The following QRICH2 variants were observed in gnomAD, a reference collection of about 807,000 sequenced individuals.
QRICH2 encodes glutamine rich 2.
A neutral mutation model predicts 168.3 loss-of-function variants in QRICH2; 119 were observed. The observed-to-expected ratio is 0.71, with a 90% CI of 0.61 to 0.82. The LOEUF (loss-of-function observed/expected upper bound fraction) is 0.82, where lower values mean the gene tolerates loss of function less well. Among genes scored for constraint, QRICH2 ranks in the 40% least tolerant of loss-of-function variants. The pLI, the probability that QRICH2 is intolerant of heterozygous loss-of-function variation, is 0.00. For synonymous variants in QRICH2, 894 were observed against 951.2 expected (o/e 0.94, Z 1.11); for missense variants, 2,241 against 2,491.6 (o/e 0.90, Z 2.14).
rs199991089 is a variant in QRICH2 at position 76,291,066 on chromosome 17, G to C, written c.3661C>G (p.Gln1221Glu). Residue 1221 changes from glutamine (Q) to glutamate (E), a missense_variant, in exon 4 of 19, where the codon CAG (glutamine) becomes GAG (glutamate). Physicochemically the swap from Gln to Glu is conservative, Grantham distance 29. Coordinates refer to ENST00000680821, the MANE Select transcript of QRICH2 (RefSeq NM_001388453.1). ...TTCTCCAAGTCGGTTTGGCCGGCCTGCTCCTCATCCAGATCCTTCATACTC... is the reference window on the plus strand; with the variant it reads ...TTCTCCAAGTCGGTTTGGCCGGCCTCCTCCTCATCCAGATCCTTCATACTC... The part of the protein sequence containing the change: ...KESMKDLDEE[Q>E]AGQTDLEKIQ... The C allele has an allele frequency of 1.1e-4, 184 of 1,614,100 alleles. No homozygotes were observed. The highest frequency in any genetic ancestry group is 1.5e-4 in the Non-Finnish European group (179 of 1,179,974).
In QRICH2 at chr17:76,276,713, C is replaced by G; in HGVS notation, c.5320G>C (p.Asp1774His). The change falls in exon 17 of 19, where the codon GAC (aspartate) becomes CAC (histidine). Residue 1774 changes from aspartate (D) to histidine (H), a missense_variant. Coordinates refer to ENST00000680821, the MANE Select transcript of QRICH2 (RefSeq NM_001388453.1). ...CGGAGGATGCCTGGCAGCCTTGTGTCCATCCGTCCCTTGTAAATGTGGCCA... is the reference window on the plus strand; with the variant it reads ...CGGAGGATGCCTGGCAGCCTTGTGTGCATCCGTCCCTTGTAAATGTGGCCA... ...LDGHIYKGRMDTRLPGILRKD... is the reference protein window; with the variant it reads ...LDGHIYKGRMHTRLPGILRKD... 1.9e-6 allele frequency: 3 copies of G among 1,613,904 alleles called. No homozygotes were observed. Among genetic ancestry groups the G allele is most frequent in the Non-Finnish European group, 2.5e-6 (3 of 1,179,990 alleles).
At chr17:76,297,219 A>C (rs1568123219) in intron 3 of QRICH2, among the ~76,000 whole-genome samples, 1 of 152,236 alleles carries the variant, frequency 6.6e-6, no homozygotes, top group Non-Finnish European at 1.5e-5. Flanking sequence ...AAGAATACAA[A>C]AATATGGCCG....
At position 76,279,033 on chromosome 17, in the gene QRICH2, T is replaced by G. The variant is rs1361800033; in HGVS notation, c.4916+8A>C. The G allele has an allele frequency of 6.2e-7, 1 of 1,606,300 alleles. No homozygotes were observed. The highest frequency in any genetic ancestry group is 1.3e-5 in the African/African-American group (1 of 74,790). On this transcript the variant is annotated splice_region_variant and intron_variant, in intron 14 of 18. Transcript: ENST00000680821. ...CCCATATGTCCCATATGCTGTCCCA[T>G]AGCATACTTGCGGCTATGCTGCCGG...
Position 76,307,886 on chromosome 17 carries a change from A to G in QRICH2, c.113T>C (p.Leu38Pro). 9 of 1,270,888 alleles carry G rather than the reference A, an allele frequency of 7.1e-6. No individual in the cohort carries two copies. Among genetic ancestry groups the G allele is most frequent in the Non-Finnish European group, 8.9e-6 (9 of 1,010,534 alleles). The allele number at this position is 1,270,888 out of a possible 1,614,324, so 78.7% of individuals were successfully genotyped here. The stretch of plus-strand genomic sequence containing the variant: ...GGTATTTTGGAGGTCGAGGTTCTTG[A>G]GCATGGCCACGATGAGCGTGTGCAG... Reference protein sequence around the residue: ...TALHTLIVAMLKNLDLQNTRI... With the variant: ...TALHTLIVAMPKNLDLQNTRI... The change falls in exon 1 of 19, where the codon CTC becomes CCC. Residue 38 changes from leucine to proline, a missense_variant. By Grantham distance (98) the Leu-to-Pro change is moderately conservative (BLOSUM62 -3). This residue lies in a region of QRICH2 where 2,047 missense variants were observed against 2,303.8 expected (regional missense o/e 0.89). Coordinates refer to ENST00000680821, the MANE Select transcript of QRICH2 (RefSeq NM_001388453.1). This position sits in a 1 kb window ranked among gnomAD's most constrained non-coding sequence, Gnocchi z 5.3.
chr17:76,307,751 GC>G lies in QRICH2; in HGVS notation c.247del (p.Ala83ArgfsTer21). 7.3e-7 allele frequency: 1 copy of G among 1,373,946 alleles called. No homozygotes were observed. Among genetic ancestry groups the G allele is most frequent in the Non-Finnish European group, 9.4e-7 (1 of 1,067,488 alleles). 85.1% of individuals were successfully genotyped at this position (1,373,946 alleles called of 1,614,324 possible). A position where few individuals can be genotyped will look rare whatever the true frequency, so the allele number is the denominator to read the frequency against. On this transcript the variant is annotated frameshift_variant, in exon 1 of 19. Transcript: ENST00000680821. LOFTEE classifies it high-confidence loss of function. This position sits in a 1 kb window ranked among gnomAD's most constrained non-coding sequence, Gnocchi z 5.3. ...CACGCCCCTGCGCTTCTCCCGGGGC[GC>G]CCCCTTGGGCACCTCCTTGGGCGCG... is the stretch of plus-strand genomic sequence containing the variant. ...LPAPKEVPKG[A>X]PREKRRGVGQ...
At chr17:76,305,572 TA>T (rs1398331860) in intron 1 of QRICH2, among the ~76,000 whole-genome samples, 1 of 151,706 alleles carries the variant, frequency 6.6e-6, no homozygotes, top group Non-Finnish European at 1.5e-5. Flanking sequence ...ATGGCAGGAG[TA>T]AGTGCTGCTG....
At chr17:76,305,049 A>C (rs2070970183) in intron 1 of QRICH2, 108 bp from the exon 2 acceptor site, 1 of 795,634 alleles carries the variant, frequency 1.3e-6, no homozygotes, top group Non-Finnish European at 2.3e-6. Context: ...AGACACACAC[A>C]TGCATACACG....
At chr17:76,290,358 C>T (rs2070965330) in intron 4 of QRICH2, among the ~76,000 whole-genome samples, 1 of 152,058 alleles carries the variant, frequency 6.6e-6, no homozygotes, top group African/African-American at 2.4e-5. Flanking sequence ...ACTCTCTGGG[C>T]TTGGAGTTGG....
At position 76,278,016 on chromosome 17, in the gene QRICH2, TG is replaced by T. The variant is rs770398112; in HGVS notation, c.5089del (p.Gln1697SerfsTer11). ...SQIIRELLHA[Q>X]CLGSPCYKRV... ...TTTGTAGCAGGGGGAGCCCAGGCACTGGGCGTGCAGCAGCTCGCGGATTATC... is the reference window on the plus strand; with the variant it reads ...TTTGTAGCAGGGGGAGCCCAGGCACTGGCGTGCAGCAGCTCGCGGATTATC... On this transcript the variant is annotated frameshift_variant, in exon 15 of 19. Transcript: ENST00000680821. LOFTEE classifies it high-confidence loss of function. 10 of 1,612,982 alleles carry T rather than the reference TG, an allele frequency of 6.2e-6. No homozygotes were observed. In the African/African-American group the frequency reaches 1.2e-4, roughly 19 times the overall value.
intron 7 of QRICH2, among the ~76,000 whole-genome samples, chr17:76,283,130 C>A (rs980709087): frequency 1.3e-5 from 2 of 152,182 alleles, no homozygotes; most frequent in Non-Finnish European, 2.9e-5. Flanking sequence ...AGAGATGCTG[C>A]CACTTACAAC....
upstream of QRICH2, chr17:76,308,514 A>G: frequency 1.0e-6 from 1 of 985,074 alleles, no homozygotes; most frequent in Non-Finnish European, 1.2e-6. Flanking sequence ...GTTTCCTGGC[A>G]ACCATGCTTT....
chr17:76,294,170 G>A, intron 3 of QRICH2, 149 bp from the exon 4 acceptor site: 1 of 1,017,436 alleles, frequency 9.8e-7, no homozygotes, highest in Non-Finnish European at 1.4e-6. Flanking sequence ...TTGACATAAA[G>A]AAACACACTG....
Position 76,280,657 on chromosome 17 carries a change from A to G in QRICH2, c.4458T>C (p.Asp1486=), listed in dbSNP as rs1489474810. ...ANREHLEMEI[D]VKADKSALAT... The stretch of plus-strand genomic sequence containing the variant: ...GCTCCTGGGGCCTGGCACCCACCAC[A>G]TCGATCTCCATCTCCAGGTGCTCCC... The change falls in exon 10 of 19, where the codon GAT becomes GAC. Residue 1486 remains aspartate, a synonymous_variant. Transcript: ENST00000680821. The surrounding 1 kb of genome is among the most constrained non-coding windows in gnomAD (Gnocchi z 7.4). The G allele has an allele frequency of 4.3e-6, 7 of 1,613,940 alleles. No homozygotes were observed. The highest frequency in any genetic ancestry group is 5.9e-6 in the Non-Finnish European group (7 of 1,179,998).
chr17:76,294,856 G>GA lies in QRICH2; in HGVS notation c.706-836dup, dbSNP rs572399217. ...GTAATTTTTCTTCATAAAAGATGGGGAAAACTGCAAAATACAAGTGATCTC... is the reference window on the plus strand; with the variant it reads ...GTAATTTTTCTTCATAAAAGATGGGGAAAAACTGCAAAATACAAGTGATCTC... On this transcript the variant is annotated intron_variant, in intron 3 of 18. Transcript: ENST00000680821. Among the ~76,000 whole-genome samples, 21 of 151,588 alleles carry GA rather than the reference G, an allele frequency of 1.4e-4. 1 individual carries two copies. The South Asian group carries it at 3.1e-3, about 23-fold the overall frequency.
chr17:76,303,021 T>C (rs1405870329), intron 3 of QRICH2, among the ~76,000 whole-genome samples: 1 of 152,004 alleles, frequency 6.6e-6, no homozygotes, highest in African/African-American at 2.4e-5. Flanking sequence ...GTAACTGCGA[T>C]TACAGGTGTG....
chr17:76,280,862 T>C lies in QRICH2; in HGVS notation c.4355A>G (p.Glu1452Gly), dbSNP rs781360603. 1.2e-6 allele frequency: 2 copies of C among 1,613,840 alleles called. No homozygotes were observed. Among genetic ancestry groups the C allele is most frequent in the Non-Finnish European group, 1.7e-6 (2 of 1,180,014 alleles). ...KLNITTSNLI[E>G]DHRQKQKDIA... The stretch of plus-strand genomic sequence containing the variant: ...GTCCTTCTGTTTCTGCCGATGGTCC[T>C]CGATGAGGTTGCTGGTGGTGATGTT... The change falls in exon 9 of 19, where the codon GAG (glutamate) becomes GGG (glycine). Residue 1452 changes from glutamate (E) to glycine (G), a missense_variant. Glu to Gly is a moderately conservative substitution (Grantham distance 98). Around this residue, in one of 3 missense-constraint regions of QRICH2, gnomAD observed 2,047 missense variants for 2,303.8 expected, o/e 0.89. Transcript: ENST00000680821. This position sits in a 1 kb window ranked among gnomAD's most constrained non-coding sequence, Gnocchi z 7.4.
At chr17:76,278,551 T>C (rs957420659) in intron 14 of QRICH2, among the ~76,000 whole-genome samples, 1 of 152,196 alleles carries the variant, frequency 6.6e-6, no homozygotes, top group East Asian at 1.9e-4. Context: ...CTCTGAACTA[T>C]GGACTCCCAT....
At position 76,280,911 on chromosome 17, in the gene QRICH2, C is replaced by T. The variant is rs555028656; in HGVS notation, c.4306G>A (p.Val1436Met). ...LGRVQSAILQ[V>M]QGDCEKLNIT... ...TTGAGCTTCTCGCAGTCACCCTGCA[C>T]CTGCAGGATGGCACTCTGCACACGG... is the stretch of plus-strand genomic sequence containing the variant. Residue 1436 changes from valine to methionine, a missense_variant, in exon 9 of 19, where the codon GTG becomes ATG. Transcript: ENST00000680821. The surrounding 1 kb of genome is among the most constrained non-coding windows in gnomAD (Gnocchi z 7.4). 958 of 1,612,732 alleles carry T rather than the reference C, an allele frequency of 5.9e-4. 18 individuals carry two copies. The South Asian group carries it at 1.0e-2, about 17-fold the overall frequency.
Position 76,307,428 on chromosome 17 carries a change from G to A in QRICH2, c.534+37C>T. ...AGGCCTGGAGGGCGGCCTGGAGGAG[G>A]CAGACGGCCTGCGCGTGCCTCCGTG... On this transcript the variant is annotated intron_variant, in intron 1 of 18. Coordinates refer to ENST00000680821, the MANE Select transcript of QRICH2 (RefSeq NM_001388453.1). This position sits in a 1 kb window ranked among gnomAD's most constrained non-coding sequence, Gnocchi z 5.3. 6.2e-7 allele frequency: 1 copy of A among 1,609,602 alleles called. No individual in the cohort carries two copies. The highest frequency in any genetic ancestry group is 8.5e-7 in the Non-Finnish European group (1 of 1,176,746).
Sources: allele counts gnomAD v4.1 joint callset (sites outside exome capture counted in the v4.1 genomes callset), GRCh38; gene constraint gnomAD v4.1.1; regional missense constraint gnomAD v4.1.1; non-coding constraint Gnocchi (gnomAD v3.1); transcripts MANE v1.5; gene names NCBI Gene and HGNC (gene_info 2026-07-23, HGNC 2026-07-21).